The following APAF1 variants were observed in gnomAD, a reference collection of about 807,000 sequenced individuals.
APAF1 encodes apoptotic protease-activating factor 1.
A neutral mutation model predicts 152.4 loss-of-function variants in APAF1; 91 were observed. The ratio of observed to expected loss-of-function variants is 0.60; its 90% CI spans 0.50 to 0.71. The LOEUF (loss-of-function observed/expected upper bound fraction) is 0.71, where lower values mean the gene tolerates loss of function less well. Among genes scored for constraint, APAF1 ranks in the 30% least tolerant of loss-of-function variants. The pLI, the probability that APAF1 is intolerant of heterozygous loss-of-function variation, is 0.00. For synonymous variants in APAF1, 484 were observed against 494.1 expected (o/e 0.98, Z 0.27); for missense variants, 1,283 against 1,472.0 (o/e 0.87, Z 2.10).
intron 16 of APAF1, among the ~76,000 whole-genome samples, chr12:98,693,803 T>G (rs950591471): frequency 6.6e-6 from 1 of 151,882 alleles, no homozygotes; most frequent in Non-Finnish European, 1.5e-5. Context: ...TTTTTTTTTT[T>G]TTTTTCGTCT....
At chr12:98,708,544 A>AT (rs2153338152) in intron 19 of APAF1, 41 bp from the exon 20 acceptor site, 7 of 1,601,254 alleles carry the variant, frequency 4.4e-6, no homozygotes, top group Non-Finnish European at 5.1e-6. Context: ...AAGACATGTT[A>AT]TTTTAGAGAT....
At chr12:98,686,430 C>T (rs977635288) in intron 15 of APAF1, among the ~76,000 whole-genome samples, 3 of 152,126 alleles carry the variant, frequency 2.0e-5, no homozygotes, top group Admixed American at 6.5e-5. Context: ...CTTTTTGTAA[C>T]TGAGTAAAAT....
At position 98,699,786 on chromosome 12, in the gene APAF1, G is replaced by A. The variant is rs78642754; in HGVS notation, c.2466+217G>A. On this transcript the variant is annotated intron_variant, in intron 17 of 26. Coordinates refer to ENST00000551964, the MANE Select transcript of APAF1 (RefSeq NM_181861.2). The stretch of plus-strand genomic sequence containing the variant: ...CATGGTTACACCGTTTGGGAAATAT[G>A]TTTTGTATTGCTTTCCCCTATTAGG... Among the ~76,000 whole-genome samples, 9 of 152,278 alleles carry A rather than the reference G, an allele frequency of 5.9e-5. No individual in the cohort carries two copies. In the East Asian group the frequency reaches 1.7e-3, roughly 29 times the overall value.
At chr12:98,684,144 ACT>A (rs2097695400) in intron 15 of APAF1, among the ~76,000 whole-genome samples, 1 of 151,990 alleles carries the variant, frequency 6.6e-6, no homozygotes, top group East Asian at 1.9e-4. Context: ...AACTTCATAG[ACT>A]CTATGTTTTG....
At chr12:98,671,234 C>A in intron 11 of APAF1, 148 bp downstream of exon 11, 2 of 663,534 alleles carry the variant, frequency 3.0e-6, no homozygotes, top group South Asian at 2.0e-5. Context: ...AATTAATTTG[C>A]TTCCTACCCT....
chr12:98,719,763 T>C (rs149172292), intron 22 of APAF1, among the ~76,000 whole-genome samples: 19 of 152,298 alleles, frequency 1.2e-4, no homozygotes, highest in African/African-American at 4.6e-4. Flanking sequence ...ATCTCCTTTC[T>C]CATTCTTTTG....
chr12:98,726,246 C>T (rs1395430267), intron 25 of APAF1, among the ~76,000 whole-genome samples: 1 of 152,030 alleles, frequency 6.6e-6, no homozygotes, highest in Non-Finnish European at 1.5e-5. Context: ...TTCTCTGTGT[C>T]TGTGGAAATA....
intron 16 of APAF1, among the ~76,000 whole-genome samples, chr12:98,693,020 G>A (rs967354678): frequency 1.9e-4 from 29 of 151,754 alleles, no homozygotes; most frequent in South Asian, 8.3e-4. Flanking sequence ...GTGTATAAGC[G>A]TTCCCTTTTC....
intron 20 of APAF1, 39 bp downstream of exon 20, chr12:98,708,743 G>C (rs757551566): frequency 6.2e-7 from 1 of 1,603,664 alleles, no homozygotes; most frequent in Non-Finnish European, 8.5e-7. Context: ...AATTGTTTTG[G>C]TTGAATTTTC....
chr12:98,654,152 TCA>T, intron 4 of APAF1, among the ~76,000 whole-genome samples: 1 of 152,348 alleles, frequency 6.6e-6, no homozygotes, highest in African/African-American at 2.4e-5. Context: ...AATTAATGGT[TCA>T]GTTTTTAACT....
chr12:98,665,279 T>TATATATATATA (rs1491328899), intron 7 of APAF1, among the ~76,000 whole-genome samples: 31 of 65,580 alleles, frequency 4.7e-4, no homozygotes, highest in African/African-American at 1.8e-3. Flanking sequence ...TATATATATA[T>TATATATATATA]TTTTTTTTTT....
chr12:98,684,017 CT>C (rs1379677908), intron 15 of APAF1, among the ~76,000 whole-genome samples: 1 of 152,082 alleles, frequency 6.6e-6, no homozygotes, highest in Non-Finnish European at 1.5e-5. Context: ...GATCTGCTAA[CT>C]TTTTTTGAAT....
At chr12:98,705,697 A>G (rs1292758845) in intron 18 of APAF1, among the ~76,000 whole-genome samples, 2 of 152,234 alleles carry the variant, frequency 1.3e-5, no homozygotes, top group African/African-American at 4.8e-5. Flanking sequence ...ACATGGTAAT[A>G]AGCATGAATA....
At chr12:98,683,927 C>A (rs920995456) in intron 15 of APAF1, among the ~76,000 whole-genome samples, 3 of 152,154 alleles carry the variant, frequency 2.0e-5, no homozygotes, top group African/African-American at 7.2e-5. Context: ...TCCACATATG[C>A]TTTGTAATGT....
intron 9 of APAF1, 91 bp from the exon 10 acceptor site, chr12:98,667,422 T>A: frequency 2.6e-5 from 40 of 1,524,358 alleles, no homozygotes; most frequent in Non-Finnish European, 3.5e-5. Flanking sequence ...GGCCTCTCTG[T>A]ACATTCTTAA....
At position 98,725,527 on chromosome 12, in the gene APAF1, A is replaced by G. The variant is rs1183266400; in HGVS notation, c.3443A>G (p.Asn1148Ser). 4 of 1,613,992 alleles carry G rather than the reference A, an allele frequency of 2.5e-6. No homozygotes were observed. The highest frequency in any genetic ancestry group is 2.7e-5 in the African/African-American group (2 of 74,918). Residue 1148 changes from asparagine to serine, a missense_variant, in exon 25 of 27, where the codon AAT (asparagine) becomes AGT (serine). Asn to Ser is a conservative substitution (Grantham distance 46). Transcript: ENST00000551964. ...ACCCTGCTGGCAACGGGAGATGACA[A>G]TGGAGAAATCAGGGTAGGCTGTTTG... ...DSTLLATGDD[N>S]GEIRIWNVSN...
chr12:98,671,487 A>G (rs1445637518), intron 11 of APAF1, 48 bp from the exon 12 acceptor site: 2 of 1,559,042 alleles, frequency 1.3e-6, no homozygotes, highest in Non-Finnish European at 1.8e-6. Flanking sequence ...GAAAAATGTC[A>G]GATCGTGGCT....
Position 98,671,709 on chromosome 12 carries a change from C to G in APAF1, c.1783C>G (p.Leu595Val). 2 of 1,613,986 alleles carry G rather than the reference C, an allele frequency of 1.2e-6. No individual in the cohort carries two copies. Among genetic ancestry groups the G allele is most frequent in the South Asian group, 2.2e-5 (2 of 91,074 alleles). ...KQEVDNGMLY[L>V]EWINKKNITN... ...GGAGGTCGATAATGGAATGCTTTAC[C>G]TGGAATGGATGTAAGTAGGTTAGGA... is the stretch of plus-strand genomic sequence containing the variant. Residue 595 changes from leucine (L) to valine (V), a missense_variant, in exon 12 of 27, where the codon CTG becomes GTG. By Grantham distance (32) the Leu-to-Val change is conservative. Coordinates refer to ENST00000551964, the MANE Select transcript of APAF1 (RefSeq NM_181861.2).
At position 98,733,132 on chromosome 12, in the gene APAF1, C is replaced by T. The variant is rs116884285; in HGVS notation, c.*566C>T. The stretch of plus-strand genomic sequence containing the variant: ...TGAGTCTTGGATTTAGCAGGCCCCC[C>T]CACCTTTTTTTTTTGTTTTTGGAGA... On this transcript the variant is annotated 3_prime_UTR_variant, in exon 27 of 27. Coordinates refer to ENST00000551964, the MANE Select transcript of APAF1 (RefSeq NM_181861.2). 5.5e-3 allele frequency: 842 copies of T among 153,234 alleles called. 5 individuals carry two copies. The highest frequency in any genetic ancestry group is 8.1e-3 in the Non-Finnish European group (560 of 68,856). 9.5% of individuals were successfully genotyped at this position (153,234 alleles called of 1,614,324 possible).
Sources: gnomAD v4.1 joint callset for allele counts (sites outside exome capture counted in the v4.1 genomes callset) on GRCh38, gnomAD v4.1.1 for gene constraint, MANE v1.5 for transcripts, NCBI Gene and HGNC (gene_info 2026-07-23, HGNC 2026-07-21) for gene names.